The following CSMD1 variants were observed in gnomAD, a reference collection of about 807,000 sequenced individuals.
The protein encoded by CSMD1 is CUB and Sushi multiple domains 1.
A neutral mutation model predicts 417.5 loss-of-function variants in CSMD1; 213 were observed. The ratio of observed to expected loss-of-function variants is 0.51; its 90% CI spans 0.46 to 0.57. The LOEUF (loss-of-function observed/expected upper bound fraction) is 0.57, where lower values mean the gene tolerates loss of function less well. Among genes scored for constraint, CSMD1 ranks in the 20% least tolerant of loss-of-function variants. The probability of loss-of-function intolerance (pLI) is 0.00; values close to 1 mark genes in which losing one functional copy is unlikely to be tolerated. For missense variants in CSMD1, 6,923 were observed against 4,529.7 expected (o/e 1.53, Z -15.17); for synonymous variants, 2,862 against 1,736.8 (o/e 1.65, Z -16.11).
At chr8:4,685,514 T>G (rs1282318749) in intron 1 of CSMD1, among the ~76,000 whole-genome samples, 3 of 151,874 alleles carry the variant, frequency 2.0e-5, no homozygotes, top group Non-Finnish European at 1.5e-5. Flanking sequence ...AGGCGGAGGT[T>G]GCAGTGAGTC....
chr8:3,822,363 C>A (rs796756444), intron 5 of CSMD1, among the ~76,000 whole-genome samples: 1 of 152,082 alleles, frequency 6.6e-6, no homozygotes, highest in Non-Finnish European at 1.5e-5. Context: ...AGTCGTTGAA[C>A]TGTATCTATG....
At chr8:3,909,609 G>A (rs1211006085) in intron 5 of CSMD1, among the ~76,000 whole-genome samples, 2 of 152,070 alleles carry the variant, frequency 1.3e-5, no homozygotes, top group Non-Finnish European at 2.9e-5. Context: ...AAGGCCCTCT[G>A]TTAGGCTCAG....
Position 2,949,336 on chromosome 8 carries a change from A to C in CSMD1, c.10365T>G (p.His3455Gln). The C allele has an allele frequency of 6.2e-7, 1 of 1,608,812 alleles. No homozygotes were observed. The highest frequency in any genetic ancestry group is 8.5e-7 in the Non-Finnish European group (1 of 1,177,038). ...GCTTAAATTTTCCAAAGTCTTTTCC[A>C]TGAATGTCACCTTGAAAAGTAAATC... ...RGGFTFQGDIHGKDFGKFKLE... is the reference protein window; with the variant it reads ...RGGFTFQGDIQGKDFGKFKLE... The change falls in exon 68 of 70, where the codon CAT (histidine) becomes CAG (glutamine). Residue 3455 changes from histidine (H) to glutamine (Q), a missense_variant. Physicochemically the swap from His to Gln is conservative, Grantham distance 24. Coordinates refer to ENST00000635120, the MANE Select transcript of CSMD1 (RefSeq NM_033225.6).
chr8:4,563,309 G>C (rs866194090), intron 2 of CSMD1, among the ~76,000 whole-genome samples: 1 of 152,170 alleles, frequency 6.6e-6, no homozygotes, highest in African/African-American at 2.4e-5. Flanking sequence ...GCTGAAGCAG[G>C]AGAATGGCGT....
intron 23 of CSMD1, among the ~76,000 whole-genome samples, chr8:3,322,229 C>T (rs1806197728): frequency 6.6e-6 from 1 of 152,178 alleles, no homozygotes; most frequent in African/African-American, 2.4e-5. Flanking sequence ...AGATTTCCAG[C>T]AGGAGCGGAA....
chr8:3,433,371 C>T (rs571087348), intron 12 of CSMD1, among the ~76,000 whole-genome samples: 3 of 152,316 alleles, frequency 2.0e-5, no homozygotes, highest in East Asian at 3.9e-4. Flanking sequence ...AGAATCCCTT[C>T]TGCCTTTCAA....
chr8:4,030,017 G>A (rs1380277469), intron 4 of CSMD1, among the ~76,000 whole-genome samples: 4 of 152,310 alleles, frequency 2.6e-5, no homozygotes, highest in East Asian at 1.9e-4. Context: ...GCTGATGCAA[G>A]AGGTGAGCTC....
At chr8:4,635,283 C>G (rs1413377936) in intron 2 of CSMD1, among the ~76,000 whole-genome samples, 1 of 152,132 alleles carries the variant, frequency 6.6e-6, no homozygotes, top group African/African-American at 2.4e-5. Context: ...ACTGTTCACT[C>G]AAACTCCAAA....
intron 52 of CSMD1, among the ~76,000 whole-genome samples, chr8:3,017,874 A>C (rs902030250): frequency 6.6e-6 from 1 of 151,568 alleles, no homozygotes; most frequent in Non-Finnish European, 1.5e-5. Context: ...AACCAAAGGC[A>C]AGTAAGGTAT....
intron 5 of CSMD1, among the ~76,000 whole-genome samples, chr8:3,997,151 A>G (rs73658525): frequency 0.024 from 3,631 of 152,324 alleles, 149 homozygotes; most frequent in African/African-American, 0.084. Flanking sequence ...AATAAAAACA[A>G]TAACACAATT....
intron 7 of CSMD1, among the ~76,000 whole-genome samples, chr8:3,690,809 A>T (rs1191958452): frequency 6.6e-6 from 1 of 152,196 alleles, no homozygotes; most frequent in African/African-American, 2.4e-5. Context: ...GTCATATTCT[A>T]ATTTTCTAAA....
At chr8:4,310,891 A>T (rs1008825764) in intron 3 of CSMD1, among the ~76,000 whole-genome samples, 11 of 152,208 alleles carry the variant, frequency 7.2e-5, no homozygotes, top group African/African-American at 2.4e-4. Context: ...GCCAACAAGC[A>T]TATGAAAAAA....
chr8:3,315,455 TG>T (rs1563263812), intron 23 of CSMD1, among the ~76,000 whole-genome samples: 20 of 151,776 alleles, frequency 1.3e-4, no homozygotes, highest in African/African-American at 4.8e-4. Context: ...TGTGTGTGTG[TG>T]TGTGTGATTT....
intron 4 of CSMD1, among the ~76,000 whole-genome samples, chr8:4,010,613 T>C (rs775374423): frequency 4.6e-5 from 7 of 152,094 alleles, no homozygotes; most frequent in Non-Finnish European, 8.8e-5. Flanking sequence ...CAACTCTCCA[T>C]ACCAGGTCAC....
chr8:3,647,505 T>C (rs1243658765), intron 7 of CSMD1, among the ~76,000 whole-genome samples: 2 of 151,944 alleles, frequency 1.3e-5, no homozygotes, highest in South Asian at 2.1e-4. Flanking sequence ...GAGAGAAGTA[T>C]ATCAGAGAAA....
chr8:4,168,216 C>T (rs539430147), intron 3 of CSMD1, among the ~76,000 whole-genome samples: 2 of 151,488 alleles, frequency 1.3e-5, no homozygotes, highest in South Asian at 2.1e-4. Flanking sequence ...CATATACACA[C>T]ACATATATAC....
At chr8:3,319,284 T>C (rs1422161959) in intron 23 of CSMD1, among the ~76,000 whole-genome samples, 1 of 152,214 alleles carries the variant, frequency 6.6e-6, no homozygotes, top group African/African-American at 2.4e-5. Flanking sequence ...TGTTGGTTCT[T>C]TAGGATTTAA....
intron 50 of CSMD1, among the ~76,000 whole-genome samples, chr8:3,046,932 C>A (rs1205946404): frequency 1.3e-5 from 2 of 152,198 alleles, no homozygotes; most frequent in African/African-American, 4.8e-5. Flanking sequence ...CAAAGAGCCG[C>A]TCTGGGCCAG....
At chr8:3,360,918 C>T (rs1419345722) in intron 20 of CSMD1, among the ~76,000 whole-genome samples, 1 of 151,564 alleles carries the variant, frequency 6.6e-6, no homozygotes, top group Non-Finnish European at 1.5e-5. Flanking sequence ...CTCATACCTG[C>T]ACTTTTATAA....
Sources: allele counts gnomAD v4.1 joint callset (sites outside exome capture counted in the v4.1 genomes callset), GRCh38; gene constraint gnomAD v4.1.1; transcripts MANE v1.5; gene names NCBI Gene and HGNC (gene_info 2026-07-23, HGNC 2026-07-21).